Variants in SPTB observed in about 807,000 individuals in gnomAD.
SPTB encodes spectrin beta chain, erythrocytic.
Under a neutral mutation model 256.2 loss-of-function variants are expected in SPTB, and 45 were observed. The observed-to-expected ratio is 0.18, with a 90% confidence interval of 0.14 to 0.23. SPTB has a LOEUF of 0.23. SPTB is among the 10% of genes least tolerant of loss of function. The pLI, the probability that SPTB is intolerant of heterozygous loss-of-function variation, is 1.00. For missense variants in SPTB, 2,715 were observed against 3,040.4 expected (o/e 0.89, Z 2.52); for synonymous variants, 1,231 against 1,243.1 (o/e 0.99, Z 0.21).
At position 64,749,943 on chromosome 14, in the gene SPTB, C is replaced by T. The variant is rs778400509; in HGVS notation, c.6776+38G>A. ...GCCCTGCCACTAATGCCAAATCAAG[C>T]CATCAACCCGAGCTTTCAAAGGCCA... On this transcript the variant is annotated intron_variant, in intron 34 of 35. Transcript: ENST00000644917. This position sits in a 1 kb window ranked among gnomAD's most constrained non-coding sequence, Gnocchi z 4.7. 2 of 1,613,998 alleles carry T rather than the reference C, an allele frequency of 1.2e-6. No individual in the cohort carries two copies. The highest frequency in any genetic ancestry group is 2.2e-5 in the South Asian group (2 of 91,068).
chr14:64,818,557 G>A (rs1425456375), intron 2 of SPTB, among the ~76,000 whole-genome samples: 1 of 152,200 alleles, frequency 6.6e-6, no homozygotes, highest in Non-Finnish European at 1.5e-5. Context: ...AGTCACTGGA[G>A]TCTGTACCCA....
intron 33 of SPTB, among the ~76,000 whole-genome samples, chr14:64,751,245 G>A (rs778317712): frequency 1.3e-5 from 2 of 151,646 alleles, no homozygotes; most frequent in East Asian, 3.9e-4. Flanking sequence ...TCAGCCTCCC[G>A]AGTAGCTGGG....
Position 64,793,530 on chromosome 14 carries a change from G to A in SPTB, c.2133C>T (p.His711=), listed in dbSNP as rs751493156. 9.9e-6 allele frequency: 16 copies of A among 1,614,154 alleles called. No homozygotes were observed. The highest frequency in any genetic ancestry group is 1.4e-5 in the Non-Finnish European group (16 of 1,180,040). The part of the protein sequence containing the change: ...HGMVARKQFG[H]PQIEARIKEV... The stretch of plus-strand genomic sequence containing the variant: ...CCTTTATGCGGGCCTCGATCTGCGG[G>A]TGCCCAAACTGCTTGCGCGCAACCA... Residue 711 remains histidine (H), a synonymous_variant, in exon 14 of 36, where the codon CAC becomes CAT. Transcript: ENST00000644917. The surrounding 1 kb of genome is among the most constrained non-coding windows in gnomAD (Gnocchi z 7.0).
chr14:64,859,267 A>G (rs2083920844), intron 1 of SPTB, among the ~76,000 whole-genome samples: 1 of 152,238 alleles, frequency 6.6e-6, no homozygotes, highest in Non-Finnish European at 1.5e-5. Context: ...AGAAAAAATA[A>G]ATAAATAAAA....
At chr14:64,818,246 T>C (rs1183686563) in intron 2 of SPTB, among the ~76,000 whole-genome samples, 1 of 152,158 alleles carries the variant, frequency 6.6e-6, no homozygotes, top group African/African-American at 2.4e-5. Flanking sequence ...AGAAAGAACG[T>C]GAAGGCCATC....
At chr14:64,789,315 G>A (rs760193689) in intron 15 of SPTB, among the ~76,000 whole-genome samples, 1 of 152,142 alleles carries the variant, frequency 6.6e-6, no homozygotes, top group Non-Finnish European at 1.5e-5. Flanking sequence ...TTGTACCACT[G>A]CACTCCAGCC....
rs373055533 is a variant in SPTB, at chr14:64,779,118, G to C, written c.4563+39C>G. On this transcript the variant is annotated intron_variant, in intron 22 of 35. Transcript: ENST00000644917. This position sits in a 1 kb window ranked among gnomAD's most constrained non-coding sequence, Gnocchi z 4.2. ...CCCCGTGGGGCCAGGTGGGGGTGAG[G>C]AGGGGTGGGTGGGGCTGGTGAGGTG... 6.4e-7 allele frequency: 1 copy of C among 1,565,276 alleles called. No individual in the cohort carries two copies. Among genetic ancestry groups the C allele is most frequent in the African/African-American group, 1.4e-5 (1 of 73,282 alleles).
At chr14:64,833,712 C>T (rs904514954) in intron 1 of SPTB, among the ~76,000 whole-genome samples, 1 of 152,328 alleles carries the variant, frequency 6.6e-6, no homozygotes, top group Admixed American at 6.5e-5. Flanking sequence ...CTCTCCCAGA[C>T]TGTAAGCTAC....
chr14:64,825,491 A>G lies in SPTB; in HGVS notation c.-51-2346T>C, dbSNP rs1359517623. Among the ~76,000 whole-genome samples, 1 of 149,310 alleles carries G rather than the reference A, an allele frequency of 6.7e-6. No homozygotes were observed. Among genetic ancestry groups the G allele is most frequent in the Non-Finnish European group, 1.5e-5 (1 of 67,190 alleles). Reference sequence around the variant, plus strand: ...CCTTTCTCTATTTCCCTTAAGGGAAACTACCACTGACTTGGTCTCTGAGCC... The same window carrying G: ...CCTTTCTCTATTTCCCTTAAGGGAAGCTACCACTGACTTGGTCTCTGAGCC... On this transcript the variant is annotated intron_variant, in intron 1 of 35. Coordinates refer to ENST00000644917, the MANE Select transcript of SPTB (RefSeq NM_001355436.2). This position sits in a 1 kb window ranked among gnomAD's most constrained non-coding sequence, Gnocchi z 4.8.
At position 64,749,479 on chromosome 14, in the gene SPTB, G is replaced by A. The variant is rs748887741; in HGVS notation, c.6820-6C>T. 2 of 1,599,598 alleles carry A rather than the reference G, an allele frequency of 1.3e-6. No individual in the cohort carries two copies. Among genetic ancestry groups the A allele is most frequent in the South Asian group, 2.2e-5 (2 of 90,880 alleles). ...AGCCAGGACAGCATCTCCTCCTGCGGGGCGGAGGGTCACGGTGGAGTCTGG... is the reference window on the plus strand; with the variant it reads ...AGCCAGGACAGCATCTCCTCCTGCGAGGCGGAGGGTCACGGTGGAGTCTGG... On this transcript the variant is annotated splice_polypyrimidine_tract_variant and splice_region_variant and intron_variant, in intron 35 of 35. Transcript: ENST00000644917. The surrounding 1 kb of genome is among the most constrained non-coding windows in gnomAD (Gnocchi z 4.7).
At chr14:64,766,850 A>G (rs368994180) in intron 31 of SPTB, 49 bp from the exon 32 acceptor site, 5 of 1,602,132 alleles carry the variant, frequency 3.1e-6, no homozygotes, top group Non-Finnish European at 4.2e-6. Flanking sequence ...CTCTGAGGCC[A>G]GTGCCTCCTG....
chr14:64,850,331 C>T (rs2083763443), intron 1 of SPTB, among the ~76,000 whole-genome samples: 2 of 152,198 alleles, frequency 1.3e-5, no homozygotes, highest in South Asian at 4.1e-4. Flanking sequence ...TCCACACACA[C>T]CTGTGGATGG....
Position 64,760,984 on chromosome 14 carries a change from T to C in SPTB, c.6345+5742A>G, listed in dbSNP as rs1445985479. Among the ~76,000 whole-genome samples the C allele has an allele frequency of 6.6e-6, 1 of 152,208 alleles. No homozygotes were observed. The highest frequency in any genetic ancestry group is 1.5e-5 in the Non-Finnish European group (1 of 68,040). On this transcript the variant is annotated intron_variant, in intron 32 of 35. Coordinates refer to ENST00000644917, the MANE Select transcript of SPTB (RefSeq NM_001355436.2). This position sits in a 1 kb window ranked among gnomAD's most constrained non-coding sequence, Gnocchi z 4.3. ...GATGGGGTTCACAGTCTAAATGAGA[T>C]GATCCTGGCTTATGCAAAACACATG...
At chr14:64,822,255 T>TG (rs2083299305) in intron 2 of SPTB, among the ~76,000 whole-genome samples, 1 of 130,812 alleles carries the variant, frequency 7.6e-6, no homozygotes, top group African/African-American at 3.7e-5. Flanking sequence ...TCACAGGAGT[T>TG]GGGGAAAAAA....
intron 1 of SPTB, among the ~76,000 whole-genome samples, chr14:64,843,132 C>T (rs895606287): frequency 1.3e-5 from 2 of 152,154 alleles, no homozygotes; most frequent in Non-Finnish European, 2.9e-5. Context: ...GGCTATCCAG[C>T]GTTTACATGG....
intron 32 of SPTB, among the ~76,000 whole-genome samples, chr14:64,766,063 TG>T (rs375565073): frequency 0.17 from 24,286 of 140,316 alleles, 2,277 homozygotes; most frequent in African/African-American, 0.3. Context: ...GAGGTGTGTA[TG>T]GGGGGTGTGG....
At chr14:64,774,645 A>T in intron 23 of SPTB, 118 bp from the exon 24 acceptor site, 1 of 1,430,096 alleles carries the variant, frequency 7.0e-7, no homozygotes, top group Non-Finnish European at 9.6e-7. Flanking sequence ...CTTGTGGGAC[A>T]CCCGCAGGAG....
Position 64,852,510 on chromosome 14 carries a change from C to T in SPTB, c.-52+27282G>A, listed in dbSNP as rs1001148595. Reference sequence around the variant, plus strand: ...ATTCAAAGGGGAAGGGACAAGATTACAGGCAGGGAACTGATTAGGATGTCA... The same window carrying T: ...ATTCAAAGGGGAAGGGACAAGATTATAGGCAGGGAACTGATTAGGATGTCA... On this transcript the variant is annotated intron_variant, in intron 1 of 35. Transcript: ENST00000644917. This position sits in a 1 kb window ranked among gnomAD's most constrained non-coding sequence, Gnocchi z 4.2. Among the ~76,000 whole-genome samples, 2 of 152,248 alleles carry T rather than the reference C, an allele frequency of 1.3e-5. No homozygotes were observed. Among genetic ancestry groups the T allele is most frequent in the Non-Finnish European group, 2.9e-5 (2 of 68,016 alleles).
At position 64,775,285 on chromosome 14, in the gene SPTB, T is replaced by G. The variant is rs769407207; in HGVS notation, c.4682A>C (p.His1561Pro). ...DCQDLEERLG[H>P]LQSSWDRLRE... Reference sequence around the variant, plus strand: ...CAGCCTGTCCCAGGAGCTCTGCAGGTGCCCCAGGCGCTCCTCAAGGTCCTG... The same window carrying G: ...CAGCCTGTCCCAGGAGCTCTGCAGGGGCCCCAGGCGCTCCTCAAGGTCCTG... Residue 1561 changes from histidine (H) to proline (P), a missense_variant, in exon 23 of 36, where the codon CAC (histidine) becomes CCC (proline). Physicochemically the swap from His to Pro is moderately conservative, Grantham distance 77. Coordinates refer to ENST00000644917, the MANE Select transcript of SPTB (RefSeq NM_001355436.2). This position sits in a 1 kb window ranked among gnomAD's most constrained non-coding sequence, Gnocchi z 5.0. 1 of 1,613,570 alleles carries G rather than the reference T, an allele frequency of 6.2e-7. No individual in the cohort carries two copies. Among genetic ancestry groups the G allele is most frequent in the South Asian group, 1.1e-5 (1 of 91,054 alleles).
Sources: gnomAD v4.1 joint callset for allele counts (sites outside exome capture counted in the v4.1 genomes callset) on GRCh38, gnomAD v4.1.1 for gene constraint, Gnocchi (gnomAD v3.1) non-coding constraint, MANE v1.5 for transcripts, NCBI Gene and HGNC (gene_info 2026-07-23, HGNC 2026-07-21) for gene names.